NTPCR: variants seen among roughly 807,000 people sequenced by gnomAD.
The protein encoded by NTPCR is cancer-related nucleoside-triphosphatase.
In NTPCR, 15 loss-of-function variants were observed where a neutral mutation model predicts 19.5. The observed-to-expected ratio is 0.77, with a 90% CI of 0.51 to 1.18. The LOEUF (loss-of-function observed/expected upper bound fraction) is 1.18. NTPCR is among the 50% of genes most tolerant of loss of function. NTPCR has a pLI of 0.00. For missense variants in NTPCR, 206 were observed against 240.4 expected, an observed-to-expected ratio of 0.86 and a Z score of 0.95; for synonymous variants, 90 against 95.8, an observed-to-expected ratio of 0.94 and a Z score of 0.36.
chr1:232,975,841 T>A (rs1444709284), intron 4 of NTPCR, among the ~76,000 whole-genome samples: 1 of 152,220 alleles, frequency 6.6e-6, no homozygotes. Context: ...CAGCTCCCAG[T>A]TCCCTCTTCT....
intron 4 of NTPCR, among the ~76,000 whole-genome samples, chr1:232,975,811 T>G (rs936038092): frequency 2.0e-5 from 3 of 152,336 alleles, no homozygotes; most frequent in African/African-American, 7.2e-5. Context: ...GCAGTCTTCT[T>G]TATTTCCTTT....
chr1:232,980,954 G>A lies in NTPCR; in HGVS notation c.*2723G>A, dbSNP rs772060300. On this transcript the variant is annotated 3_prime_UTR_variant, in exon 5 of 5. Transcript: ENST00000366628. ...AACAAAGCAAAATATCTAACAGATG[G>A]TTGGATATGAGTCTCAGGGAGGAAT... The A allele has an allele frequency of 2.0e-5, 3 of 152,210 alleles. No homozygotes were observed. The highest frequency in any genetic ancestry group is 6.5e-5 in the Admixed American group (1 of 15,282). The allele number at this position is 152,210 out of a possible 1,614,324, so 9.4% of individuals were successfully genotyped here. A position where few individuals can be genotyped will look rare whatever the true frequency, so the allele number is the denominator to read the frequency against.
chr1:232,956,182 A>G (rs1238311776), intron 2 of NTPCR, among the ~76,000 whole-genome samples, 165 bp from the exon 3 acceptor site: 1 of 152,154 alleles, frequency 6.6e-6, no homozygotes, highest in Non-Finnish European at 1.5e-5. Context: ...AGCTCTGTTC[A>G]AAGCAGAGAA....
In NTPCR at chr1:232,970,037, T is replaced by C; in HGVS notation, c.423T>C (p.Leu141=). The change falls in exon 4 of 5, where the codon CTT becomes CTC. Residue 141 remains leucine (L), a synonymous_variant. Transcript: ENST00000366628. Reference sequence around the variant, plus strand: ...TGTCTACCCCAGGGACTATAATCCTTGGCACAATCCCAGTTCCTAAAGGAA... The same window carrying C: ...TGTCTACCCCAGGGACTATAATCCTCGGCACAATCCCAGTTCCTAAAGGAA... ...QTLSTPGTII[L]GTIPVPKGKP... is the part of the protein sequence containing the mutation. 1.9e-6 allele frequency: 3 copies of C among 1,614,176 alleles called. No individual in the cohort carries two copies. The highest frequency in any genetic ancestry group is 2.5e-6 in the Non-Finnish European group (3 of 1,180,030).
chr1:232,957,127 CTTTA>C (rs1411265660), intron 3 of NTPCR, among the ~76,000 whole-genome samples: 1 of 152,136 alleles, frequency 6.6e-6, no homozygotes. Flanking sequence ...ATTTCTGCAT[CTTTA>C]TTCACAAAAG....
chr1:232,956,917 C>T (rs1668526227), intron 3 of NTPCR, among the ~76,000 whole-genome samples: 1 of 152,124 alleles, frequency 6.6e-6, no homozygotes, highest in Non-Finnish European at 1.5e-5. Context: ...TTTCTTTCTA[C>T]TTTGAATGCC....
At chr1:232,975,947 T>G (rs1344364044) in intron 4 of NTPCR, among the ~76,000 whole-genome samples, 1 of 152,224 alleles carries the variant, frequency 6.6e-6, no homozygotes, top group African/African-American at 2.4e-5. Context: ...CTCCTGAGGT[T>G]GGCAGATGCT....
chr1:232,971,173 A>G (rs1413722720), intron 4 of NTPCR, among the ~76,000 whole-genome samples: 1 of 151,522 alleles, frequency 6.6e-6, no homozygotes, highest in Non-Finnish European at 1.5e-5. Flanking sequence ...CCCAACCCCT[A>G]CCCTTAGTTT....
At chr1:232,968,136 C>T (rs12034369) in intron 3 of NTPCR, 41,258 of 151,900 alleles carry the variant, frequency 0.27, 5,693 homozygotes, top group African/African-American at 0.32. Context: ...AGGATGCGGA[C>T]GAGGACAACC....
intron 1 of NTPCR, among the ~76,000 whole-genome samples, chr1:232,951,648 A>T (rs1175581629): frequency 1.3e-5 from 2 of 152,222 alleles, no homozygotes; most frequent in Non-Finnish European, 2.9e-5. Flanking sequence ...CAAAGGCTGT[A>T]ACCCTGGATC....
In NTPCR at chr1:232,970,042, C is replaced by G. The variant is rs986208388; in HGVS notation, c.428C>G (p.Thr143Arg). 2 of 1,614,118 alleles carry G rather than the reference C, an allele frequency of 1.2e-6. No homozygotes were observed. Among genetic ancestry groups the G allele is most frequent in the African/African-American group, 2.7e-5 (2 of 75,038 alleles). The change falls in exon 4 of 5, where the codon ACA becomes AGA. Residue 143 changes from threonine to arginine, a missense_variant. By Grantham distance (71) the Thr-to-Arg change is moderately conservative (BLOSUM62 -1). Transcript: ENST00000366628. ...ACCCCAGGGACTATAATCCTTGGCACAATCCCAGTTCCTAAAGGAAAGCCA... is the reference window on the plus strand; with the variant it reads ...ACCCCAGGGACTATAATCCTTGGCAGAATCCCAGTTCCTAAAGGAAAGCCA... The part of the protein sequence containing the change: ...LSTPGTIILG[T>R]IPVPKGKPLA...
chr1:232,955,652 G>C lies in NTPCR; in HGVS notation c.130G>C (p.Gly44Arg). 1.2e-6 allele frequency: 2 copies of C among 1,613,808 alleles called. No individual in the cohort carries two copies. The highest frequency in any genetic ancestry group is 1.7e-6 in the Non-Finnish European group (2 of 1,179,950). ...ATTTTATACCGAAGAAGTCAGACAG[G>C]GAGGGAGAAGAATAGGATTCGATGT... ...DGFYTEEVRQ[G>R]GRRIGFDVVT... Residue 44 changes from glycine to arginine, a missense_variant, in exon 2 of 5, where the codon GGA (glycine) becomes CGA (arginine). Transcript: ENST00000366628.
Position 232,981,445 on chromosome 1 carries a change from G to C in NTPCR, c.*3214G>C, listed in dbSNP as rs1303326693. The C allele has an allele frequency of 1.3e-5, 2 of 152,258 alleles. No individual in the cohort carries two copies. The highest frequency in any genetic ancestry group is 1.3e-4 in the Admixed American group (2 of 15,284). The allele number at this position is 152,258 out of a possible 1,614,324, so 9.4% of individuals were successfully genotyped here. On this transcript the variant is annotated 3_prime_UTR_variant, in exon 5 of 5. Coordinates refer to ENST00000366628, the MANE Select transcript of NTPCR (RefSeq NM_032324.3). ...GTGTGTGTGCTGATGGCGGATGCTT[G>C]TGTAGCATAGTGACTTGGGACAAAA... is the stretch of plus-strand genomic sequence containing the variant.
At position 232,983,037 on chromosome 1, in the gene NTPCR, A is replaced by G. The variant is rs1164111354; in HGVS notation, c.*4806A>G. 1 of 152,114 alleles carries G rather than the reference A, an allele frequency of 6.6e-6. No homozygotes were observed. Among genetic ancestry groups the G allele is most frequent in the Non-Finnish European group, 1.5e-5 (1 of 68,018 alleles). 9.4% of individuals were successfully genotyped at this position (152,114 alleles called of 1,614,324 possible). A position where few individuals can be genotyped will look rare whatever the true frequency, so the allele number is the denominator to read the frequency against. On this transcript the variant is annotated 3_prime_UTR_variant, in exon 5 of 5. Transcript: ENST00000366628. ...CCTTCTGTCTGTGATTATAGAGTAC[A>G]CTTGCTTTTATTAATTGCTGATTCT... is the stretch of plus-strand genomic sequence containing the variant.
At chr1:232,976,055 A>G in intron 4 of NTPCR, among the ~76,000 whole-genome samples, 1 of 152,182 alleles carries the variant, frequency 6.6e-6, no homozygotes, top group East Asian at 1.9e-4. Flanking sequence ...TTATTGCATA[A>G]TTTTCAGAAA....
At position 232,981,797 on chromosome 1, in the gene NTPCR, A is replaced by T. The variant is rs1259878613; in HGVS notation, c.*3566A>T. On this transcript the variant is annotated 3_prime_UTR_variant, in exon 5 of 5. Coordinates refer to ENST00000366628, the MANE Select transcript of NTPCR (RefSeq NM_032324.3). Reference sequence around the variant, plus strand: ...CAGTGGTGCTATCTCGGCTCACTGTAACCTCCGCCTCCTGGGTTCAAGCGA... The same window carrying T: ...CAGTGGTGCTATCTCGGCTCACTGTTACCTCCGCCTCCTGGGTTCAAGCGA... The T allele has an allele frequency of 6.9e-6, 1 of 145,016 alleles. No homozygotes were observed. Among genetic ancestry groups the T allele is most frequent in the Non-Finnish European group, 1.5e-5 (1 of 67,220 alleles). 9.0% of individuals were successfully genotyped at this position (145,016 alleles called of 1,614,324 possible).
At position 232,982,290 on chromosome 1, in the gene NTPCR, G is replaced by A. The variant is rs1290064222; in HGVS notation, c.*4059G>A. 1 of 152,196 alleles carries A rather than the reference G, an allele frequency of 6.6e-6. No individual in the cohort carries two copies. The highest frequency in any genetic ancestry group is 2.4e-5 in the African/African-American group (1 of 41,464). The allele number at this position is 152,196 out of a possible 1,614,324, so 9.4% of individuals were successfully genotyped here. On this transcript the variant is annotated 3_prime_UTR_variant, in exon 5 of 5. Transcript: ENST00000366628. ...TGATGGCTGGTCAAACAGCCCCCAA[G>A]AATCCTGGGGTGACTCCAATACTGC...
rs117188225 is a variant in NTPCR, at chr1:232,953,491, G to T, written c.35-2066G>T. On this transcript the variant is annotated intron_variant, in intron 1 of 4. Transcript: ENST00000366628. ...TCTACTATGTTCTACACAACATACA[G>T]TCCCCACAGTATACCCTTTGTGAAC... Among the ~76,000 whole-genome samples, 95 of 152,222 alleles carry T rather than the reference G, an allele frequency of 6.2e-4. 1 individual carries two copies. The East Asian group carries it at 0.012, about 19-fold the overall frequency.
At position 232,955,500 on chromosome 1, in the gene NTPCR, T is replaced by C; in HGVS notation, c.35-57T>C. The C allele has an allele frequency of 2.1e-6, 3 of 1,430,452 alleles. No individual in the cohort carries two copies. In the South Asian group the frequency reaches 4.2e-5, roughly 20 times the overall value. 88.6% of individuals were successfully genotyped at this position (1,430,452 alleles called of 1,614,324 possible). On this transcript the variant is annotated intron_variant, in intron 1 of 4. Coordinates refer to ENST00000366628, the MANE Select transcript of NTPCR (RefSeq NM_032324.3). ...TCCACAAGTGCTGTGTGTGCTCTAG[T>C]AAGGGAATGTTTCCTAATGGGCTTT...
Sources: gnomAD v4.1 joint callset for allele counts (sites outside exome capture counted in the v4.1 genomes callset) on GRCh38, gnomAD v4.1.1 for gene constraint, MANE v1.5 for transcripts, NCBI Gene and HGNC (gene_info 2026-07-23, HGNC 2026-07-21) for gene names.